Variants in RIDA observed in about 807,000 individuals in gnomAD.
RIDA encodes reactive intermediate imine deaminase A.
In RIDA, 17 loss-of-function variants were observed where a neutral mutation model predicts 17.8. The ratio of observed to expected loss-of-function variants is 0.96; its 90% CI spans 0.65 to 1.43. RIDA has a LOEUF of 1.43. Ranked by LOEUF, RIDA falls within the 40% of genes most tolerant of loss-of-function variation. The pLI, the probability that RIDA is intolerant of heterozygous loss-of-function variation, is 0.00. For missense variants in RIDA, 158 were observed against 161.7 expected (o/e 0.98, Z 0.12); for synonymous variants, 48 against 55.7 (o/e 0.86, Z 0.62).
At chr8:98,115,606 G>C (rs1815801394) in intron 1 of RIDA, among the ~76,000 whole-genome samples, 2 of 150,644 alleles carry the variant, frequency 1.3e-5, no homozygotes, top group Admixed American at 1.3e-4. Flanking sequence ...GCCCAGGCTG[G>C]TCTTGAACTC....
At chr8:98,108,623 C>T (rs1815667612) in intron 2 of RIDA, 23 bp downstream of exon 2, 1 of 1,480,520 alleles carries the variant, frequency 6.8e-7, no homozygotes, top group African/African-American at 1.4e-5. Flanking sequence ...AAAAGGGAAC[C>T]TTAAATGTGG....
intron 2 of RIDA, among the ~76,000 whole-genome samples, chr8:98,107,924 C>T (rs1815656082): frequency 6.6e-6 from 1 of 152,194 alleles, no homozygotes; most frequent in Non-Finnish European, 1.5e-5. Context: ...CACATGCCAC[C>T]ACACCTGGCT....
Position 98,117,121 on chromosome 8 carries a change from C to G in RIDA, c.-25G>C, listed in dbSNP as rs753493042. On this transcript the variant is annotated 5_prime_UTR_variant, in exon 1 of 6. Coordinates refer to ENST00000254878, the MANE Select transcript of RIDA (RefSeq NM_005836.3). ...TGGCTAAGCCTTCCCTCTTGCAGCC[C>G]CTTCAGGAGAAGAAGCCCCAGCACC... 3.1e-6 allele frequency: 5 copies of G among 1,611,850 alleles called. No homozygotes were observed. The highest frequency in any genetic ancestry group is 2.2e-5 in the East Asian group (1 of 44,852).
At chr8:98,114,402 C>T (rs1035067567) in intron 1 of RIDA, among the ~76,000 whole-genome samples, 1 of 151,562 alleles carries the variant, frequency 6.6e-6, no homozygotes, top group African/African-American at 2.4e-5. Context: ...CTTGGCTCAC[C>T]GCGACCTCTG....
At chr8:98,111,217 C>T (rs1185677124) in intron 1 of RIDA, among the ~76,000 whole-genome samples, 4 of 152,012 alleles carry the variant, frequency 2.6e-5, no homozygotes, top group African/African-American at 9.7e-5. Flanking sequence ...CCAAACAAGT[C>T]TACTTTTTAT....
At chr8:98,112,135 CTTTA>C (rs1047176177) in intron 1 of RIDA, among the ~76,000 whole-genome samples, 13 of 151,138 alleles carry the variant, frequency 8.6e-5, no homozygotes, top group African/African-American at 3.2e-4. Context: ...TATAGATGTA[CTTTA>C]TTTAATGAGT....
At chr8:98,102,954 A>C (rs1277354491) in intron 5 of RIDA, 50 bp from the exon 6 acceptor site, 1 of 1,348,214 alleles carries the variant, frequency 7.4e-7, no homozygotes, top group Non-Finnish European at 1.1e-6. Context: ...ACAAATTGCA[A>C]ACTCTATAAT....
chr8:98,110,649 A>G (rs1020384352), intron 1 of RIDA, among the ~76,000 whole-genome samples: 3 of 152,204 alleles, frequency 2.0e-5, no homozygotes, highest in Non-Finnish European at 4.4e-5. Flanking sequence ...TTAAAAACAT[A>G]AGTAGTCATC....
intron 1 of RIDA, among the ~76,000 whole-genome samples, chr8:98,115,311 C>T (rs1014889606): frequency 1.2e-4 from 17 of 140,534 alleles, no homozygotes; most frequent in African/African-American, 4.0e-4. Flanking sequence ...TCACTTGAAT[C>T]TGTGGGGTGG....
At chr8:98,114,319 G>C (rs2130557430) in intron 1 of RIDA, among the ~76,000 whole-genome samples, 1 of 131,284 alleles carries the variant, frequency 7.6e-6, no homozygotes, top group Non-Finnish European at 1.6e-5. Flanking sequence ...CCTGTACCCT[G>C]CTAAAATCTT....
intron 1 of RIDA, among the ~76,000 whole-genome samples, chr8:98,115,709 A>G (rs1239559401): frequency 2.0e-5 from 3 of 152,138 alleles, no homozygotes; most frequent in African/African-American, 7.2e-5. Flanking sequence ...ATCACTCTTA[A>G]CAAAGAGAGA....
At chr8:98,116,990 C>T (rs1815848299) in intron 1 of RIDA, 42 bp downstream of exon 1, 2 of 1,556,470 alleles carry the variant, frequency 1.3e-6, no homozygotes, top group South Asian at 1.1e-5. Context: ...TCCCCGAACC[C>T]GCACGCCCTG....
intron 1 of RIDA, among the ~76,000 whole-genome samples, chr8:98,115,420 T>C (rs997723838): frequency 7.6e-6 from 1 of 131,766 alleles, no homozygotes; most frequent in Non-Finnish European, 1.6e-5. Flanking sequence ...AAAAAAGGGA[T>C]AGTGCCCAAT....
chr8:98,104,583 G>A (rs760050113), intron 4 of RIDA, 39 bp from the exon 5 acceptor site: 2 of 1,194,482 alleles, frequency 1.7e-6, no homozygotes, highest in Non-Finnish European at 2.5e-6. Flanking sequence ...ATAGAGAAGA[G>A]TTGAAAAAAT....
intron 5 of RIDA, among the ~76,000 whole-genome samples, chr8:98,104,175 G>A (rs1268583213): frequency 2.0e-5 from 3 of 151,054 alleles, no homozygotes; most frequent in Non-Finnish European, 2.9e-5. Context: ...TTGAACTCCT[G>A]GGTTCAAGTG....
At chr8:98,106,499 T>C in intron 2 of RIDA, 173 bp from the exon 3 acceptor site, 1 of 571,640 alleles carries the variant, frequency 1.7e-6, no homozygotes, top group Non-Finnish European at 3.2e-6. Flanking sequence ...AATGAGTCTT[T>C]CTGATATATG....
chr8:98,104,281 C>A (rs1194896527), intron 5 of RIDA, among the ~76,000 whole-genome samples: 1 of 152,002 alleles, frequency 6.6e-6, no homozygotes, highest in Non-Finnish European at 1.5e-5. Flanking sequence ...GGATGGCTGT[C>A]TTGCTATGTT....
chr8:98,112,504 T>G (rs1815742373), intron 1 of RIDA, among the ~76,000 whole-genome samples: 1 of 152,232 alleles, frequency 6.6e-6, no homozygotes, highest in African/African-American at 2.4e-5. Flanking sequence ...TAAACAATTT[T>G]GGTTGTCAGT....
intron 1 of RIDA, among the ~76,000 whole-genome samples, 164 bp downstream of exon 1, chr8:98,116,868 C>T (rs1338950708): frequency 6.6e-6 from 1 of 152,214 alleles, no homozygotes; most frequent in Non-Finnish European, 1.5e-5. Flanking sequence ...GGTTCCTGGT[C>T]CCATCGTGGC....
Sources: allele counts gnomAD v4.1 joint callset (sites outside exome capture counted in the v4.1 genomes callset), GRCh38; gene constraint gnomAD v4.1.1; transcripts MANE v1.5; gene names NCBI Gene and HGNC (gene_info 2026-07-23, HGNC 2026-07-21).